Variants in KCNJ3 observed in about 807,000 individuals in gnomAD.
The protein encoded by KCNJ3 is potassium inwardly rectifying channel subfamily J member 3, also known as G protein-activated inward rectifier potassium channel 1.
A neutral mutation model predicts 39.2 loss-of-function variants in KCNJ3; 4 were observed. The observed-to-expected ratio is 0.10, with a 90% CI of 0.05 to 0.23. The LOEUF (loss-of-function observed/expected upper bound fraction) is 0.23, where lower values mean the gene tolerates loss of function less well. Ranked by LOEUF, KCNJ3 falls within the 10% of genes least tolerant of loss-of-function variation. The pLI is 1.00. For synonymous variants in KCNJ3, 230 were observed against 237.4 expected (o/e 0.97, Z 0.29); for missense variants, 276 against 634.9 (o/e 0.43, Z 6.08).
At chr2:154,723,198 T>C (rs1327631096) in intron 2 of KCNJ3, among the ~76,000 whole-genome samples, 2 of 152,076 alleles carry the variant, frequency 1.3e-5, no homozygotes, top group Admixed American at 6.6e-5. Flanking sequence ...GATGAGAGCA[T>C]TGCTTGAGTC....
At chr2:154,838,177 A>G (rs180975820) in intron 2 of KCNJ3, among the ~76,000 whole-genome samples, 59 of 152,308 alleles carry the variant, frequency 3.9e-4, no homozygotes, top group Middle Eastern at 3.4e-3. Context: ...AATTAAGAGC[A>G]TTTCGTCAGC....
chr2:154,747,126 A>T (rs1685759824), intron 2 of KCNJ3, among the ~76,000 whole-genome samples: 1 of 151,892 alleles, frequency 6.6e-6, no homozygotes, highest in Non-Finnish European at 1.5e-5. Flanking sequence ...GAAGTGAATT[A>T]TTTTCAGTTC....
At chr2:154,776,700 C>A (rs1264404884) in intron 2 of KCNJ3, among the ~76,000 whole-genome samples, 1 of 151,726 alleles carries the variant, frequency 6.6e-6, no homozygotes, top group African/African-American at 2.4e-5. Context: ...ATATCCTAGT[C>A]CCTCTGAAGA....
At chr2:154,836,440 T>A (rs1475154621) in intron 2 of KCNJ3, among the ~76,000 whole-genome samples, 1 of 152,106 alleles carries the variant, frequency 6.6e-6, no homozygotes, top group Non-Finnish European at 1.5e-5. Flanking sequence ...TTTTTTTTCT[T>A]AATTGAAATA....
intron 2 of KCNJ3, among the ~76,000 whole-genome samples, chr2:154,788,503 C>A (rs1001182734): frequency 1.3e-5 from 2 of 152,006 alleles, no homozygotes; most frequent in African/African-American, 4.8e-5. Context: ...TTAGAATTTC[C>A]TTGTGTCTAA....
At chr2:154,785,235 T>C (rs190769339) in intron 2 of KCNJ3, among the ~76,000 whole-genome samples, 4 of 152,312 alleles carry the variant, frequency 2.6e-5, no homozygotes, top group East Asian at 1.9e-4. Context: ...ATTCCACAGA[T>C]TGGATATCTT....
chr2:154,723,521 C>A (rs534475687), intron 2 of KCNJ3, among the ~76,000 whole-genome samples: 2 of 152,054 alleles, frequency 1.3e-5, no homozygotes, highest in African/African-American at 4.8e-5. Context: ...ATCAGGAGAT[C>A]GCTGGGATCA....
At chr2:154,739,487 G>C (rs1219349380) in intron 2 of KCNJ3, among the ~76,000 whole-genome samples, 1 of 151,964 alleles carries the variant, frequency 6.6e-6, no homozygotes, top group Admixed American at 6.6e-5. Context: ...TCTTTCTCCT[G>C]TCATTTGCCT....
intron 2 of KCNJ3, among the ~76,000 whole-genome samples, chr2:154,801,128 C>T (rs1340664596): frequency 6.6e-6 from 1 of 152,200 alleles, no homozygotes; most frequent in African/African-American, 2.4e-5. Flanking sequence ...CTTTGACTGA[C>T]CTTTGTCAGC....
intron 2 of KCNJ3, among the ~76,000 whole-genome samples, chr2:154,742,056 T>A (rs997847041): frequency 1.3e-5 from 2 of 151,928 alleles, no homozygotes; most frequent in Middle Eastern, 3.4e-3. Flanking sequence ...ACATGCTCAG[T>A]CCCTGGAAAC....
intron 2 of KCNJ3, among the ~76,000 whole-genome samples, chr2:154,802,999 A>T (rs1257495501): frequency 6.6e-6 from 1 of 152,088 alleles, no homozygotes; most frequent in Non-Finnish European, 1.5e-5. Flanking sequence ...CAATAATGTA[A>T]TGTAATTCCA....
chr2:154,824,369 A>G (rs889634791), intron 2 of KCNJ3, among the ~76,000 whole-genome samples: 5 of 152,078 alleles, frequency 3.3e-5, no homozygotes, highest in Admixed American at 2.0e-4. Flanking sequence ...AAATTACCCT[A>G]TACTTGAGAA....
chr2:154,802,056 T>C (rs2105217220), intron 2 of KCNJ3, among the ~76,000 whole-genome samples: 1 of 152,330 alleles, frequency 6.6e-6, no homozygotes, highest in Non-Finnish European at 1.5e-5. Flanking sequence ...TTTGGGATTT[T>C]CTCCTGCTCT....
chr2:154,700,693 A>T (rs906724191), intron 1 of KCNJ3, among the ~76,000 whole-genome samples: 1 of 152,166 alleles, frequency 6.6e-6, no homozygotes. Context: ...CCCCAACTTA[A>T]TGTTGTAGTT....
Position 154,698,700 on chromosome 2 carries a change from C to CCCCT in KCNJ3, c.-76_-75insCCCT. ...CCCTTTCCTCCCCCGCCCCCACCTC[C>CCCCT]TTATTGGTGCTAGTTTGCAGCGCCC... On this transcript the variant is annotated 5_prime_UTR_variant, in exon 1 of 3. Transcript: ENST00000295101. 1.2e-6 allele frequency: 1 copy of CCCCT among 856,930 alleles called. No individual in the cohort carries two copies. The highest frequency in any genetic ancestry group is 1.9e-6 in the Non-Finnish European group (1 of 533,712). 53.1% of individuals were successfully genotyped at this position (856,930 alleles called of 1,614,324 possible).
intron 2 of KCNJ3, among the ~76,000 whole-genome samples, chr2:154,722,675 T>A (rs999773375): frequency 1.3e-5 from 2 of 151,978 alleles, no homozygotes; most frequent in African/African-American, 4.8e-5. Context: ...AGCAGGAAAA[T>A]GACATAATCA....
At chr2:154,752,070 A>C (rs1685854197) in intron 2 of KCNJ3, among the ~76,000 whole-genome samples, 1 of 152,074 alleles carries the variant, frequency 6.6e-6, no homozygotes, top group South Asian at 2.1e-4. Context: ...TACTCATTAA[A>C]GGCAATGTAA....
chr2:154,849,956 A>G (rs867925801), intron 2 of KCNJ3, among the ~76,000 whole-genome samples: 3 of 149,082 alleles, frequency 2.0e-5, no homozygotes, highest in South Asian at 4.2e-4. Flanking sequence ...CTAAACAATA[A>G]TATATACCCT....
chr2:154,758,355 G>C (rs1487206398), intron 2 of KCNJ3, among the ~76,000 whole-genome samples: 1 of 152,120 alleles, frequency 6.6e-6, no homozygotes, highest in African/African-American at 2.4e-5. Flanking sequence ...GTATCTGTAA[G>C]GGATTGCTAT....
Sources: gnomAD v4.1 joint callset for allele counts (sites outside exome capture counted in the v4.1 genomes callset) on GRCh38, gnomAD v4.1.1 for gene constraint, MANE v1.5 for transcripts, NCBI Gene and HGNC (gene_info 2026-07-23, HGNC 2026-07-21) for gene names.